PKNOX1: variants seen among roughly 807,000 people sequenced by gnomAD.
PKNOX1 encodes the protein PBX/knotted 1 homeobox 1, also known as homeobox protein PKNOX1.
PKNOX1 carries 15 observed loss-of-function variants against 51.9 expected under a neutral mutation model. That is an observed-to-expected ratio of 0.29 (90% CI 0.19 to 0.45). The LOEUF (loss-of-function observed/expected upper bound fraction) is 0.45, where lower values mean the gene tolerates loss of function less well. Among genes scored for constraint, PKNOX1 ranks in the 20% least tolerant of loss-of-function variants. The pLI, the probability that PKNOX1 is intolerant of heterozygous loss-of-function variation, is 1.00. For missense variants in PKNOX1, 462 were observed against 547.5 expected (o/e 0.84, Z 1.56); for synonymous variants, 219 against 211.1 (o/e 1.04, Z -0.32).
intron 1 of PKNOX1, among the ~76,000 whole-genome samples, chr21:42,990,143 T>G (rs942393628): frequency 4.0e-5 from 6 of 151,600 alleles, no homozygotes; most frequent in Non-Finnish European, 8.8e-5. Context: ...GTGCCTGTAA[T>G]CCCAGCTACT....
chr21:43,010,332 GAC>G, intron 4 of PKNOX1, 108 bp downstream of exon 4: 1 of 589,072 alleles, frequency 1.7e-6, no homozygotes, highest in Non-Finnish European at 2.8e-6. Context: ...CTAAAGGAGA[GAC>G]TCATACAACT....
rs139271813 is a variant in PKNOX1, at chr21:43,019,447, C to T, written c.720+1217C>T. Among the ~76,000 whole-genome samples the T allele has an allele frequency of 3.4e-4, 52 of 151,690 alleles. 1 individual carries two copies. The East Asian group carries it at 9.3e-3, about 27-fold the overall frequency. On this transcript the variant is annotated intron_variant, in intron 7 of 10. Coordinates refer to ENST00000291547, the MANE Select transcript of PKNOX1 (RefSeq NM_004571.5). The stretch of plus-strand genomic sequence containing the variant: ...CACATTTTTTTGAGACTTTGCAAAC[C>T]TAAAAATGAGTTTATTTTAATCTCA...
At chr21:42,975,781 C>T (rs935092842) in intron 1 of PKNOX1, among the ~76,000 whole-genome samples, 3 of 152,234 alleles carry the variant, frequency 2.0e-5, no homozygotes, top group Non-Finnish European at 4.4e-5. Flanking sequence ...GGGTTCTCTT[C>T]CAACTCTACG....
chr21:42,975,936 A>T lies in PKNOX1; in HGVS notation c.-57+1272A>T, dbSNP rs79551075. On this transcript the variant is annotated intron_variant, in intron 1 of 10. Transcript: ENST00000291547. ...AATAGGCTTTCTCTAAACATAAGGA[A>T]GAATCGAGGTGAAATGTGAACCTCT... Among the ~76,000 whole-genome samples, 15 of 152,366 alleles carry T rather than the reference A, an allele frequency of 9.8e-5. No homozygotes were observed. In the East Asian group the frequency reaches 2.9e-3, roughly 29 times the overall value.
At chr21:42,991,675 G>A (rs553156502) in intron 1 of PKNOX1, among the ~76,000 whole-genome samples, 4 of 151,798 alleles carry the variant, frequency 2.6e-5, no homozygotes, top group South Asian at 4.2e-4. Context: ...CGGAGCTTGC[G>A]GTGAGCCAAG....
chr21:43,029,730 CCAGAAA>C (rs1239384993), intron 10 of PKNOX1, among the ~76,000 whole-genome samples, 154 bp from the exon 11 acceptor site: 1 of 151,618 alleles, frequency 6.6e-6, no homozygotes. Flanking sequence ...CGCGCCCGGC[CCAGAAA>C]CAGTTTCTTA....
rs75346175 is a variant in PKNOX1, at chr21:43,025,816, C to G, written c.926+869C>G. 2.8e-4 allele frequency among the ~76,000 whole-genome samples: 43 copies of G among 152,260 alleles called. No homozygotes were observed. The East Asian group carries it at 8.3e-3, about 29-fold the overall frequency. On this transcript the variant is annotated intron_variant, in intron 9 of 10. Transcript: ENST00000291547. ...GCTAAAATGTGAACTTGTTGAAGTT[C>G]CAGCAAGAAAGTCTTTGTCTTTGTG...
In PKNOX1 at chr21:43,007,487, A is replaced by G; in HGVS notation, c.52-4A>G. 1.2e-6 allele frequency: 2 copies of G among 1,613,356 alleles called. No homozygotes were observed. The highest frequency in any genetic ancestry group is 1.7e-6 in the Non-Finnish European group (2 of 1,179,350). On this transcript the variant is annotated splice_region_variant and splice_polypyrimidine_tract_variant and intron_variant, in intron 2 of 10. Transcript: ENST00000291547. ...TAATAAGAATTATCTTCCTCCTTTT[A>G]CAGATGCAAGTAGTAACAGAGTTAA...
rs1246567534 is a variant in PKNOX1 at position 43,030,779 on chromosome 21, CT to C, written c.*680del. The C allele has an allele frequency of 6.6e-6, 1 of 152,310 alleles. No individual in the cohort carries two copies. Among genetic ancestry groups the C allele is most frequent in the African/African-American group, 2.4e-5 (1 of 41,428 alleles). The allele number at this position is 152,310 out of a possible 1,614,324, so 9.4% of individuals were successfully genotyped here. On this transcript the variant is annotated 3_prime_UTR_variant, in exon 11 of 11. Transcript: ENST00000291547. ...ATTTCTAGAGAAGAAACAATACATG[CT>C]TGCTATTAATATTTCAATTTGGAAT... is the stretch of plus-strand genomic sequence containing the variant.
At chr21:43,022,316 C>G (rs979294151) in intron 8 of PKNOX1, among the ~76,000 whole-genome samples, 1 of 152,254 alleles carries the variant, frequency 6.6e-6, no homozygotes, top group Non-Finnish European at 1.5e-5. Context: ...GTCCTCAGCA[C>G]TCTGTCCTTG....
At chr21:42,987,398 A>ATATATATATATATATAT (rs1555858083) in intron 1 of PKNOX1, among the ~76,000 whole-genome samples, 45 of 91,786 alleles carry the variant, frequency 4.9e-4, no homozygotes, top group African/African-American at 2.2e-3. Flanking sequence ...AAAAAAAAAA[A>ATATATATATATATATAT]AAAAAAATAT....
In PKNOX1 at chr21:43,006,907, T is replaced by G. The variant is rs372854075; in HGVS notation, c.52-584T>G. Among the ~76,000 whole-genome samples, 8 of 152,352 alleles carry G rather than the reference T, an allele frequency of 5.3e-5. No individual in the cohort carries two copies. In the South Asian group the frequency reaches 6.2e-4, roughly 12 times the overall value. ...CTGATTTTTTTTAACGATTTAAATG[T>G]TTTTTACCTAAATGACAAAGGCATT... is the stretch of plus-strand genomic sequence containing the variant. On this transcript the variant is annotated intron_variant, in intron 2 of 10. Coordinates refer to ENST00000291547, the MANE Select transcript of PKNOX1 (RefSeq NM_004571.5).
chr21:42,981,391 A>G (rs887218296), intron 1 of PKNOX1, among the ~76,000 whole-genome samples: 5 of 152,186 alleles, frequency 3.3e-5, no homozygotes, highest in Non-Finnish European at 7.3e-5. Context: ...CGGTTTAGTT[A>G]CTGTTTCTGG....
intron 5 of PKNOX1, among the ~76,000 whole-genome samples, chr21:43,015,250 TAAG>T (rs1455102951): frequency 6.6e-6 from 1 of 152,260 alleles, no homozygotes; most frequent in Non-Finnish European, 1.5e-5. Context: ...TTTATCAAGT[TAAG>T]GAGGTTATCC....
rs1601287465 is a variant in PKNOX1 at position 43,004,572 on chromosome 21, G to A, written c.51+140G>A. 24 of 547,644 alleles carry A rather than the reference G, an allele frequency of 4.4e-5. No individual in the cohort carries two copies. In the East Asian group the frequency reaches 5.6e-4, roughly 13 times the overall value. The allele number at this position is 547,644 out of a possible 1,614,324, so 33.9% of individuals were successfully genotyped here. ...TGTATTATGCATTTATTGTACATTC[G>A]TGTTCAGAAAAAAAGCCATAGAATA... On this transcript the variant is annotated intron_variant, in intron 2 of 10. Transcript: ENST00000291547.
chr21:43,017,155 T>C, intron 6 of PKNOX1, 148 bp downstream of exon 6: 1 of 484,364 alleles, frequency 2.1e-6, no homozygotes. Flanking sequence ...GAATGCCTCT[T>C]TCTTGTTAAT....
rs373012395 is a variant in PKNOX1 at position 42,998,342 on chromosome 21, CAT to C, written c.-56-5983_-56-5982del. ...ACCTCCCACCAGCTCCCTCCCATAA[CAT>C]GTGGGAATTCAAGATGAGATTTGGG... is the stretch of plus-strand genomic sequence containing the variant. On this transcript the variant is annotated intron_variant, in intron 1 of 10. Transcript: ENST00000291547. Among the ~76,000 whole-genome samples the C allele has an allele frequency of 5.7e-4, 87 of 152,268 alleles. 1 individual carries two copies. Among genetic ancestry groups the C allele is most frequent in the East Asian group, 1.4e-3 (7 of 5,172 alleles).
chr21:43,005,637 C>T (rs1978953621), intron 2 of PKNOX1, among the ~76,000 whole-genome samples: 1 of 151,832 alleles, frequency 6.6e-6, no homozygotes, highest in Admixed American at 6.6e-5. Flanking sequence ...CTGAGCTGCT[C>T]TGTGGCCCGA....
intron 9 of PKNOX1, among the ~76,000 whole-genome samples, chr21:43,026,919 G>T (rs993279496): frequency 6.6e-6 from 1 of 152,126 alleles, no homozygotes; most frequent in East Asian, 1.9e-4. Context: ...ATTAGACTGT[G>T]TGCTAATATA....
Sources: gnomAD v4.1 joint callset for allele counts (sites outside exome capture counted in the v4.1 genomes callset) on GRCh38, gnomAD v4.1.1 for gene constraint, MANE v1.5 for transcripts, NCBI Gene and HGNC (gene_info 2026-07-23, HGNC 2026-07-21) for gene names.